Variants in GMDS observed in about 807,000 individuals in gnomAD.
The protein encoded by GMDS is GDP-mannose 4,6 dehydratase.
In GMDS, 20 loss-of-function variants were observed where a neutral mutation model predicts 49.9. That is an observed-to-expected ratio of 0.40 (90% CI 0.28 to 0.58). The LOEUF (loss-of-function observed/expected upper bound fraction) is 0.58, where lower values mean the gene tolerates loss of function less well. Ranked by LOEUF, GMDS falls within the 20% of genes least tolerant of loss-of-function variation. GMDS has a pLI of 0.42. For synonymous variants in GMDS, 177 were observed against 178.6 expected (o/e 0.99, Z 0.07); for missense variants, 362 against 481.4 (o/e 0.75, Z 2.32).
intron 9 of GMDS, among the ~76,000 whole-genome samples, chr6:1,712,760 T>C (rs910693213): frequency 1.3e-5 from 2 of 151,812 alleles, no homozygotes; most frequent in African/African-American, 4.9e-5. Context: ...GCAAAAGGGT[T>C]GAATTCTTTA....
chr6:2,202,077 T>A (rs1779566614), intron 1 of GMDS, among the ~76,000 whole-genome samples: 1 of 139,392 alleles, frequency 7.2e-6, no homozygotes, highest in African/African-American at 2.7e-5. Context: ...AGGTGAAGGA[T>A]GAAGAGAGAG....
intron 4 of GMDS, among the ~76,000 whole-genome samples, chr6:2,013,237 A>G (rs1480235471): frequency 6.6e-6 from 1 of 152,206 alleles, no homozygotes; most frequent in Non-Finnish European, 1.5e-5. Context: ...TGAAGAAACA[A>G]CATCACAAGT....
At chr6:1,738,188 C>G (rs1561769916) in intron 8 of GMDS, among the ~76,000 whole-genome samples, 1 of 151,454 alleles carries the variant, frequency 6.6e-6, no homozygotes. Context: ...CACACATATA[C>G]ACACATACAC....
intron 9 of GMDS, among the ~76,000 whole-genome samples, chr6:1,652,080 T>C (rs1241306537): frequency 2.6e-5 from 4 of 151,668 alleles, no homozygotes; most frequent in African/African-American, 4.8e-5. Flanking sequence ...CTTCTAAGAT[T>C]ATCCTTAACA....
At chr6:2,021,643 C>G (rs1768282910) in intron 4 of GMDS, among the ~76,000 whole-genome samples, 1 of 152,188 alleles carries the variant, frequency 6.6e-6, no homozygotes, top group African/African-American at 2.4e-5. Flanking sequence ...TCCTAAAACT[C>G]TAATCCCAGT....
chr6:2,011,642 G>A (rs945455514), intron 4 of GMDS, among the ~76,000 whole-genome samples: 14 of 152,164 alleles, frequency 9.2e-5, no homozygotes, highest in African/African-American at 2.4e-4. Flanking sequence ...GGCCGGGTAC[G>A]GTGACTCATG....
intron 9 of GMDS, among the ~76,000 whole-genome samples, chr6:1,671,334 C>A (rs757198262): frequency 6.6e-6 from 1 of 152,140 alleles, no homozygotes; most frequent in Non-Finnish European, 1.5e-5. Context: ...GAGGAAGCAG[C>A]GACTGAAGAC....
At chr6:1,665,204 C>T (rs1446991876) in intron 9 of GMDS, among the ~76,000 whole-genome samples, 5 of 152,166 alleles carry the variant, frequency 3.3e-5, no homozygotes, top group Admixed American at 6.5e-5. Context: ...CCCATTAACT[C>T]GTCATTTAAC....
chr6:1,796,212 T>C (rs1032248391), intron 7 of GMDS, among the ~76,000 whole-genome samples: 7 of 152,268 alleles, frequency 4.6e-5, no homozygotes, highest in African/African-American at 1.7e-4. Context: ...TAGTTCCTCC[T>C]TGTAGGCTTA....
intron 4 of GMDS, among the ~76,000 whole-genome samples, chr6:1,992,584 G>A (rs533627243): frequency 6.6e-6 from 1 of 152,270 alleles, no homozygotes; most frequent in South Asian, 2.1e-4. Flanking sequence ...ACTTTACTCA[G>A]CTTTTCACTC....
intron 4 of GMDS, among the ~76,000 whole-genome samples, chr6:2,076,547 T>C (rs866782335): frequency 4.6e-5 from 7 of 152,210 alleles, no homozygotes; most frequent in African/African-American, 1.7e-4. Context: ...AGCATGGTAC[T>C]GGTACCAAAA....
chr6:1,737,753 TACAC>T (rs144527413), intron 8 of GMDS, among the ~76,000 whole-genome samples: 47,343 of 120,484 alleles, frequency 0.39, 8,980 homozygotes, highest in Non-Finnish European at 0.49. Flanking sequence ...CACATACACA[TACAC>T]ACACACCACA....
intron 4 of GMDS, among the ~76,000 whole-genome samples, chr6:2,014,784 A>G (rs1255802779): frequency 6.6e-6 from 1 of 152,160 alleles, no homozygotes; most frequent in Admixed American, 6.6e-5. Flanking sequence ...AGAGTGACAC[A>G]GTGGATAAAA....
intron 9 of GMDS, among the ~76,000 whole-genome samples, chr6:1,724,424 A>C (rs933281983): frequency 2.6e-5 from 4 of 152,190 alleles, no homozygotes; most frequent in Non-Finnish European, 5.9e-5. Flanking sequence ...TTTCCTGTTC[A>C]GTGAATTCTT....
intron 7 of GMDS, among the ~76,000 whole-genome samples, chr6:1,827,260 T>C (rs1003031278): frequency 6.6e-6 from 1 of 151,998 alleles, no homozygotes; most frequent in African/African-American, 2.4e-5. Flanking sequence ...TATATATGTA[T>C]AAATACATGT....
At chr6:1,838,943 C>T (rs1345031909) in intron 7 of GMDS, among the ~76,000 whole-genome samples, 1 of 152,040 alleles carries the variant, frequency 6.6e-6, no homozygotes, top group Non-Finnish European at 1.5e-5. Flanking sequence ...AATTACATGC[C>T]CATGTAAGGA....
intron 1 of GMDS, among the ~76,000 whole-genome samples, chr6:2,158,270 CAT>C (rs1312977948): frequency 1.3e-5 from 2 of 151,936 alleles, no homozygotes; most frequent in East Asian, 1.9e-4. Context: ...CAAAATAAAA[CAT>C]ATGTACGCAT....
intron 9 of GMDS, among the ~76,000 whole-genome samples, chr6:1,696,062 G>T (rs1765330588): frequency 6.6e-6 from 1 of 152,032 alleles, no homozygotes; most frequent in Non-Finnish European, 1.5e-5. Flanking sequence ...AGAGAAAGTG[G>T]AAAAAGAACA....
chr6:2,175,834 C>T, intron 1 of GMDS: 1 of 697,922 alleles, frequency 1.4e-6, no homozygotes, highest in Non-Finnish European at 2.6e-6. Flanking sequence ...GCACCTTATG[C>T]ATGAACCCAC....
Sources: gnomAD v4.1 joint callset for allele counts (sites outside exome capture counted in the v4.1 genomes callset) on GRCh38, gnomAD v4.1.1 for gene constraint, MANE v1.5 for transcripts, NCBI Gene and HGNC (gene_info 2026-07-23, HGNC 2026-07-21) for gene names.